Variants in ROBO1 observed in about 807,000 individuals in gnomAD.
The protein encoded by ROBO1 is roundabout guidance receptor 1.
ROBO1 carries 149 observed loss-of-function variants against 195.9 expected under a neutral mutation model. That is an observed-to-expected ratio of 0.76 (90% CI 0.67 to 0.87). The LOEUF (loss-of-function observed/expected upper bound fraction) is 0.87, where lower values mean the gene tolerates loss of function less well. ROBO1 is among the 40% of genes least tolerant of loss of function. The pLI, the probability that ROBO1 is intolerant of heterozygous loss-of-function variation, is 0.00. For synonymous variants in ROBO1, 816 were observed against 733.2 expected (o/e 1.11, Z -1.82); for missense variants, 1,933 against 2,068.3 (o/e 0.93, Z 1.27).
At chr3:78,835,855 G>A (rs1259512218) in intron 4 of ROBO1, among the ~76,000 whole-genome samples, 1 of 152,156 alleles carries the variant, frequency 6.6e-6, no homozygotes, top group East Asian at 1.9e-4. Context: ...TAATGGTACT[G>A]TTAGGGCTGA....
In ROBO1 at chr3:79,477,414, G is replaced by A. The variant is rs185451491; in HGVS notation, c.88+112410C>T. 2.6e-3 allele frequency among the ~76,000 whole-genome samples: 390 copies of A among 152,174 alleles called. 2 individuals carry two copies. Among genetic ancestry groups the A allele is most frequent in the African/African-American group, 8.1e-3 (335 of 41,500 alleles). Reference sequence around the variant, plus strand: ...CTTGTAAATCTCTCAAGTTTGAATAGGTATAATGAGGATTTATGAGGGTAA... The same window carrying A: ...CTTGTAAATCTCTCAAGTTTGAATAAGTATAATGAGGATTTATGAGGGTAA... On this transcript the variant is annotated intron_variant, in intron 2 of 30. Transcript: ENST00000464233.
At chr3:78,956,120 C>T (rs2041035170) in intron 3 of ROBO1, among the ~76,000 whole-genome samples, 2 of 152,046 alleles carry the variant, frequency 1.3e-5, no homozygotes, top group Admixed American at 6.6e-5. Context: ...TTTAAGTAAT[C>T]ATAAATACTT....
chr3:79,533,155 C>A, intron 2 of ROBO1: 1 of 413,608 alleles, frequency 2.4e-6, no homozygotes, highest in Non-Finnish European at 4.8e-6. Flanking sequence ...ATGGAGGCTG[C>A]AGAAAAGGGA....
At chr3:79,746,215 C>A (rs908059581) in intron 1 of ROBO1, among the ~76,000 whole-genome samples, 4 of 151,996 alleles carry the variant, frequency 2.6e-5, no homozygotes, top group Non-Finnish European at 5.9e-5. Context: ...TGGTACATTT[C>A]TGTGTACCAT....
chr3:78,599,949 A>C, intron 30 of ROBO1, 164 bp downstream of exon 30: 1 of 681,946 alleles, frequency 1.5e-6, no homozygotes, highest in Non-Finnish European at 2.6e-6. Context: ...ACATTTCAAG[A>C]AAATTCTCAA....
At chr3:78,970,414 C>G (rs376165220) in intron 3 of ROBO1, among the ~76,000 whole-genome samples, 1 of 152,100 alleles carries the variant, frequency 6.6e-6, no homozygotes, top group Non-Finnish European at 1.5e-5. Flanking sequence ...ATAAACAGCT[C>G]TTTTATCACA....
chr3:79,714,506 C>A (rs1309918130), intron 1 of ROBO1, among the ~76,000 whole-genome samples: 1 of 151,946 alleles, frequency 6.6e-6, no homozygotes, highest in East Asian at 1.9e-4. Flanking sequence ...TGGGTATATA[C>A]CCAAAGGATT....
intron 2 of ROBO1, among the ~76,000 whole-genome samples, chr3:79,525,951 A>T: frequency 6.6e-6 from 1 of 152,126 alleles, no homozygotes; most frequent in Non-Finnish European, 1.5e-5. Flanking sequence ...TATCTAAGTT[A>T]ATTTTCTCTC....
intron 4 of ROBO1, among the ~76,000 whole-genome samples, chr3:78,844,744 A>G (rs917667960): frequency 2.0e-5 from 3 of 152,140 alleles, no homozygotes; most frequent in African/African-American, 7.2e-5. Context: ...AAATTTTTAC[A>G]TATATTTTCA....
chr3:79,197,712 CT>C (rs35193239), intron 2 of ROBO1, among the ~76,000 whole-genome samples: 69 of 152,096 alleles, frequency 4.5e-4, no homozygotes, highest in African/African-American at 1.5e-3. Context: ...TGTTTCCTGA[CT>C]TTTTAGTGAT....
At chr3:79,000,010 T>A (rs969531434) in intron 3 of ROBO1, among the ~76,000 whole-genome samples, 8 of 152,174 alleles carry the variant, frequency 5.3e-5, no homozygotes, top group African/African-American at 1.4e-4. Context: ...ATTATTCATA[T>A]GCCTTCCTCA....
intron 1 of ROBO1, among the ~76,000 whole-genome samples, chr3:79,677,407 G>A (rs930262772): frequency 1.3e-5 from 2 of 151,950 alleles, no homozygotes; most frequent in African/African-American, 4.8e-5. Flanking sequence ...CACAATCATG[G>A]TGGAAGGCAA....
intron 3 of ROBO1, among the ~76,000 whole-genome samples, chr3:79,109,308 C>A (rs2079842434): frequency 6.6e-6 from 1 of 151,826 alleles, no homozygotes; most frequent in African/African-American, 2.4e-5. Context: ...TCTAATAGAA[C>A]TGTAATAATT....
At chr3:79,263,075 G>T (rs1339589414) in intron 2 of ROBO1, among the ~76,000 whole-genome samples, 1 of 152,036 alleles carries the variant, frequency 6.6e-6, no homozygotes, top group Non-Finnish European at 1.5e-5. Flanking sequence ...TTTTCTGAAA[G>T]GACTGTTTTC....
At chr3:79,487,469 A>ACTC (rs1006444271) in intron 2 of ROBO1, among the ~76,000 whole-genome samples, 1 of 151,802 alleles carries the variant, frequency 6.6e-6, no homozygotes, top group African/African-American at 2.4e-5. Context: ...CCTGCCTTGG[A>ACTC]CTCCCAAAAT....
intron 8 of ROBO1, among the ~76,000 whole-genome samples, chr3:78,695,000 G>T (rs1388615460): frequency 2.0e-5 from 3 of 151,720 alleles, no homozygotes; most frequent in Non-Finnish European, 4.4e-5. Flanking sequence ...AAACTGGAAA[G>T]CACCTAATTT....
chr3:79,007,810 C>T (rs758677114), intron 3 of ROBO1, among the ~76,000 whole-genome samples: 18 of 152,162 alleles, frequency 1.2e-4, no homozygotes, highest in Non-Finnish European at 2.1e-4. Flanking sequence ...TATTAAATCA[C>T]CTACACAGCA....
At chr3:79,166,755 G>C (rs1179934636) in intron 2 of ROBO1, among the ~76,000 whole-genome samples, 1 of 151,830 alleles carries the variant, frequency 6.6e-6, no homozygotes, top group Non-Finnish European at 1.5e-5. Flanking sequence ...TTTTAGTAGA[G>C]ACGGGGTTTC....
At chr3:79,416,077 C>G (rs1476903518) in intron 2 of ROBO1, among the ~76,000 whole-genome samples, 1 of 128,310 alleles carries the variant, frequency 7.8e-6, no homozygotes, top group East Asian at 2.6e-4. Flanking sequence ...AAATATATAC[C>G]AACATAAAAA....
Sources: allele counts gnomAD v4.1 joint callset (sites outside exome capture counted in the v4.1 genomes callset), GRCh38; gene constraint gnomAD v4.1.1; transcripts MANE v1.5; gene names NCBI Gene and HGNC (gene_info 2026-07-23, HGNC 2026-07-21).